The following FRMPD4 variants were observed in gnomAD, a reference collection of about 807,000 sequenced individuals.
FRMPD4 encodes the protein FERM and PDZ domain-containing protein 4.
Under a neutral mutation model 94.1 loss-of-function variants are expected in FRMPD4, and 22 were observed. The ratio of observed to expected loss-of-function variants is 0.23; its 90% CI spans 0.17 to 0.33. The LOEUF (loss-of-function observed/expected upper bound fraction) is 0.33, where lower values mean the gene tolerates loss of function less well. Ranked by LOEUF, FRMPD4 falls within the 10% of genes least tolerant of loss-of-function variation. The pLI is 1.00. For missense variants in FRMPD4, 1,111 were observed against 1,339.9 expected (o/e 0.83, Z 2.67); for synonymous variants, 631 against 548.6 (o/e 1.15, Z -2.10).
intron 2 of FRMPD4, among the ~76,000 whole-genome samples, chrX:12,501,665 CTTTT>C (rs1026882390): frequency 1.8e-5 from 2 of 110,773 alleles, no homozygotes; most frequent in African/African-American, 6.6e-5. Context: ...TAGATGTTTT[CTTTT>C]TTTTATCTCG....
chrX:12,555,676 T>C (rs73442709), intron 2 of FRMPD4, among the ~76,000 whole-genome samples: 3,172 of 111,442 alleles, frequency 0.028, 105 homozygotes, highest in African/African-American at 0.097. Flanking sequence ...TCAAGTGCAG[T>C]CTTCTACAAA....
At chrX:12,289,832 C>T (rs1406327370) in intron 1 of FRMPD4, among the ~76,000 whole-genome samples, 1 of 111,829 alleles carries the variant, frequency 8.9e-6, no homozygotes, top group East Asian at 2.8e-4. Flanking sequence ...TAGGCCAAGA[C>T]CCAGCCATGG....
chrX:12,116,239 C>G (rs1265204098), intron 3 of FRMPD4, among the ~76,000 whole-genome samples: 2 of 112,399 alleles, frequency 1.8e-5, no homozygotes, highest in Non-Finnish European at 3.8e-5. Flanking sequence ...ATACCACATC[C>G]CAAACATGCC....
intron 1 of FRMPD4, among the ~76,000 whole-genome samples, chrX:11,861,958 A>G (rs547512324): frequency 9.0e-6 from 1 of 111,609 alleles, no homozygotes; most frequent in South Asian, 3.8e-4. Context: ...GGAAACTTCA[A>G]TTATGGCAGA....
intron 3 of FRMPD4, among the ~76,000 whole-genome samples, chrX:11,981,657 A>G (rs1015196089): frequency 3.7e-4 from 41 of 111,395 alleles, no homozygotes; most frequent in African/African-American, 1.3e-3. Flanking sequence ...ACGGTCTATC[A>G]TATTTATTTT....
At chrX:12,650,955 C>G (rs893614577) in intron 4 of FRMPD4, among the ~76,000 whole-genome samples, 1 of 112,838 alleles carries the variant, frequency 8.9e-6, no homozygotes, top group African/African-American at 3.2e-5. Flanking sequence ...AGGTACCCGC[C>G]TTTGCAGGCT....
chrX:12,354,567 C>G (rs2055866426), intron 1 of FRMPD4, among the ~76,000 whole-genome samples: 1 of 112,486 alleles, frequency 8.9e-6, no homozygotes, highest in South Asian at 3.7e-4. Flanking sequence ...GTCTCACAAA[C>G]ATTTTCCAGC....
chrX:12,087,034 G>A (rs949901321), intron 3 of FRMPD4, among the ~76,000 whole-genome samples: 4 of 111,600 alleles, frequency 3.6e-5, no homozygotes, highest in Admixed American at 1.9e-4. Flanking sequence ...TCACAAGAGG[G>A]CAGCTCACTT....
intron 1 of FRMPD4, among the ~76,000 whole-genome samples, chrX:11,827,434 T>C (rs1372285559): frequency 9.0e-6 from 1 of 110,702 alleles, no homozygotes; most frequent in African/African-American, 3.3e-5. Context: ...CAAAGGGTAG[T>C]TGGGGACATG....
intron 5 of FRMPD4, among the ~76,000 whole-genome samples, chrX:12,675,613 C>A (rs1008224674): frequency 1.7e-4 from 19 of 111,325 alleles, no homozygotes; most frequent in Non-Finnish European, 5.7e-5. Flanking sequence ...ATCCCTGTTG[C>A]CACACTCAGT....
At chrX:11,858,159 C>T (rs940472758) in intron 1 of FRMPD4, among the ~76,000 whole-genome samples, 11 of 111,648 alleles carry the variant, frequency 9.9e-5, no homozygotes, top group Non-Finnish European at 1.9e-4. Flanking sequence ...GCTCAAAGAC[C>T]TAAAGACAGA....
At chrX:12,351,128 C>T (rs373115682) in intron 1 of FRMPD4, among the ~76,000 whole-genome samples, 26 of 105,716 alleles carry the variant, frequency 2.5e-4, no homozygotes, top group African/African-American at 6.0e-4. Flanking sequence ...GCCAAGATCG[C>T]GCAACTGTAC....
At chrX:12,277,987 C>A (rs1451542654) in intron 1 of FRMPD4, among the ~76,000 whole-genome samples, 2 of 112,220 alleles carry the variant, frequency 1.8e-5, no homozygotes, top group Non-Finnish European at 3.8e-5. Context: ...TCCCATCCAG[C>A]AGGTATTACG....
intron 3 of FRMPD4, among the ~76,000 whole-genome samples, chrX:11,998,346 C>A (rs918145034): frequency 9.9e-5 from 11 of 111,569 alleles, no homozygotes; most frequent in African/African-American, 3.3e-4. Flanking sequence ...ATGATGGTGC[C>A]CTTAGAAAGA....
At chrX:11,942,959 T>C (rs763228808) in intron 3 of FRMPD4, among the ~76,000 whole-genome samples, 1 of 112,223 alleles carries the variant, frequency 8.9e-6, no homozygotes, top group South Asian at 3.7e-4. Context: ...GGATATTTCA[T>C]ATAAATTGGA....
chrX:12,436,803 T>C (rs775234267), intron 1 of FRMPD4, among the ~76,000 whole-genome samples: 5 of 111,746 alleles, frequency 4.5e-5, no homozygotes, highest in South Asian at 7.4e-4. Context: ...ATCAGTGTAA[T>C]TGGCATATTC....
chrX:12,020,909 C>G (rs1270506542), intron 3 of FRMPD4, among the ~76,000 whole-genome samples: 1 of 111,431 alleles, frequency 9.0e-6, no homozygotes, highest in Non-Finnish European at 1.9e-5. Flanking sequence ...TTATAATACC[C>G]TATTTCTATT....
chrX:11,848,612 G>C (rs2053599017), intron 1 of FRMPD4, among the ~76,000 whole-genome samples: 2 of 108,861 alleles, frequency 1.8e-5, no homozygotes, highest in South Asian at 4.0e-4. Context: ...TTCAGTCTCT[G>C]CTGTGCATGT....
chrX:12,317,585 C>CAAAAAAAA (rs376884335), intron 1 of FRMPD4, among the ~76,000 whole-genome samples: 155 of 42,029 alleles, frequency 3.7e-3, no homozygotes, highest in Middle Eastern at 0.016. Context: ...AACTAAATAG[C>CAAAAAAAA]AAAAAAAAAA....
Sources: gnomAD v4.1 joint callset for allele counts (sites outside exome capture counted in the v4.1 genomes callset) on GRCh38, gnomAD v4.1.1 for gene constraint, MANE v1.5 for transcripts, NCBI Gene and HGNC (gene_info 2026-07-23, HGNC 2026-07-21) for gene names.